Variants in ABCA8 observed in about 807,000 individuals in gnomAD.
ABCA8 encodes the protein ATP binding cassette subfamily A member 8.
In ABCA8, 177 loss-of-function variants were observed where a neutral mutation model predicts 192.3. The observed-to-expected ratio is 0.92, with a 90% CI of 0.81 to 1.04. The LOEUF (loss-of-function observed/expected upper bound fraction) is 1.04. ABCA8 is among the 50% of genes least tolerant of loss of function. The pLI is 0.00. For missense variants in ABCA8, 1,915 were observed against 1,904.8 expected (o/e 1.01, Z -0.10); for synonymous variants, 642 against 690.2 (o/e 0.93, Z 1.09).
chr17:68,875,948 A>G (rs1460505939), intron 35 of ABCA8, among the ~76,000 whole-genome samples: 1 of 152,180 alleles, frequency 6.6e-6, no homozygotes, highest in East Asian at 1.9e-4. Flanking sequence ...CGTTTACAGA[A>G]CACAACATTC....
intron 2 of ABCA8, among the ~76,000 whole-genome samples, chr17:68,944,230 G>A (rs565213013): frequency 6.8e-6 from 1 of 148,142 alleles, no homozygotes; most frequent in East Asian, 2.0e-4. Context: ...TAGATGATGG[G>A]TTGATGGGTG....
chr17:68,946,382 T>C (rs2068408928), intron 2 of ABCA8, among the ~76,000 whole-genome samples: 2 of 152,162 alleles, frequency 1.3e-5, no homozygotes, highest in Non-Finnish European at 2.9e-5. Context: ...TACCAAAATT[T>C]ATTACTTTTT....
chr17:68,875,349 C>T lies in ABCA8; in HGVS notation c.4542G>A (p.Leu1514=). 6.2e-7 allele frequency: 1 copy of T among 1,614,056 alleles called. No individual in the cohort carries two copies. Among genetic ancestry groups the T allele is most frequent in the Non-Finnish European group, 8.5e-7 (1 of 1,180,004 alleles). ...HLKSKFGKDY[L]LEMKVKNLAQ... ...CCAGGTTCTTCACCTTCATCTCCAGCAGGTAATCTTTGCCAAATTTGCTTT... is the reference window on the plus strand; with the variant it reads ...CCAGGTTCTTCACCTTCATCTCCAGTAGGTAATCTTTGCCAAATTTGCTTT... Residue 1514 remains leucine, a synonymous_variant, in exon 37 of 40, where the codon CTG becomes CTA. Transcript: ENST00000586539.
At chr17:68,887,572 A>G (rs2066498758) in intron 24 of ABCA8, 66 bp from the exon 25 acceptor site, 1 of 1,367,052 alleles carries the variant, frequency 7.3e-7, no homozygotes. Context: ...GCAAGGAACT[A>G]TTCAAACAAA....
At chr17:68,915,774 GTA>G (rs2067341802) in intron 17 of ABCA8, among the ~76,000 whole-genome samples, 1 of 152,052 alleles carries the variant, frequency 6.6e-6, no homozygotes, top group African/African-American at 2.4e-5. Context: ...CCACTACTAG[GTA>G]TATACCCCAA....
chr17:68,929,275 C>G (rs370719463), intron 8 of ABCA8, 41 bp from the exon 9 acceptor site: 1 of 1,443,146 alleles, frequency 6.9e-7, no homozygotes, highest in Non-Finnish European at 9.3e-7. Flanking sequence ...GTTTCTCTAA[C>G]ATTATTACTA....
chr17:68,902,098 TA>T (rs2066930934), intron 21 of ABCA8, among the ~76,000 whole-genome samples: 1 of 152,218 alleles, frequency 6.6e-6, no homozygotes, highest in African/African-American at 2.4e-5. Context: ...AATAAAATAT[TA>T]CTCAACAATA....
chr17:68,938,086 A>C (rs2068119788), intron 4 of ABCA8, among the ~76,000 whole-genome samples: 1 of 152,164 alleles, frequency 6.6e-6, no homozygotes, highest in African/African-American at 2.4e-5. Context: ...GACACGTCTC[A>C]GGGCCGTTTA....
At chr17:68,875,038 A>G (rs1416320625) in intron 37 of ABCA8, among the ~76,000 whole-genome samples, 1 of 152,170 alleles carries the variant, frequency 6.6e-6, no homozygotes, top group Non-Finnish European at 1.5e-5. Context: ...TAAGTTTTGG[A>G]TAGGATAACA....
intron 17 of ABCA8, among the ~76,000 whole-genome samples, chr17:68,910,728 C>G (rs1209104350): frequency 6.6e-6 from 1 of 152,160 alleles, no homozygotes; most frequent in East Asian, 1.9e-4. Flanking sequence ...ATTTTGTTTT[C>G]CAACTTGCAT....
In ABCA8 at chr17:68,929,600, C is replaced by T; in HGVS notation, c.900G>A (p.Met300Ile). Residue 300 changes from methionine (M) to isoleucine (I), a missense_variant, in exon 8 of 40, where the codon ATG (methionine) becomes ATA (isoleucine). Coordinates refer to ENST00000586539, the MANE Select transcript of ABCA8 (RefSeq NM_001288985.2). Reference protein sequence around the residue: ...STQFIILSGFMVVFSLFLLYG... With the variant: ...STQFIILSGFIVVFSLFLLYG... ...ACAGGAGAAAGAGGCTGAAGACTAC[C>T]ATGAAGCCAGACAAAATGATAAACT... 1 of 1,613,706 alleles carries T rather than the reference C, an allele frequency of 6.2e-7. No individual in the cohort carries two copies. Among genetic ancestry groups the T allele is most frequent in the Admixed American group, 1.7e-5 (1 of 60,000 alleles).
At chr17:68,925,583 C>A (rs548711150) in intron 10 of ABCA8, among the ~76,000 whole-genome samples, 21 of 152,190 alleles carry the variant, frequency 1.4e-4, no homozygotes, top group Non-Finnish European at 2.5e-4. Context: ...CACTAATATT[C>A]TGCAACTATC....
chr17:68,913,565 C>G (rs960082909), intron 17 of ABCA8, among the ~76,000 whole-genome samples: 3 of 151,760 alleles, frequency 2.0e-5, no homozygotes, highest in Non-Finnish European at 4.4e-5. Flanking sequence ...ACAACTGATA[C>G]TGCAGAAATT....
chr17:68,879,126 TTAGAAG>T (rs1382824927), intron 32 of ABCA8: 2 of 152,224 alleles, frequency 1.3e-5, no homozygotes, highest in South Asian at 2.1e-4. Flanking sequence ...TACAACTAAA[TTAGAAG>T]TACAATTAAA....
chr17:68,917,220 G>A (rs906269548), intron 17 of ABCA8, 141 bp downstream of exon 17: 6 of 515,912 alleles, frequency 1.2e-5, no homozygotes, highest in African/African-American at 9.8e-5. Flanking sequence ...GCAGTGAGCC[G>A]AGATGATCGA....
rs1436696207 is a variant in ABCA8 at position 68,887,492 on chromosome 17, G to GGACC, written c.3155_3158dup (p.Gln1054ValfsTer82). 5 of 1,610,336 alleles carry GGACC rather than the reference G, an allele frequency of 3.1e-6. No homozygotes were observed. Among genetic ancestry groups the GGACC allele is most frequent in the Admixed American group, 3.4e-5 (2 of 59,264 alleles). On this transcript the variant is annotated frameshift_variant, in exon 25 of 40. Coordinates refer to ENST00000586539, the MANE Select transcript of ABCA8 (RefSeq NM_001288985.2). LOFTEE classifies it high-confidence loss of function. ...GGGAGAGTCCGGAAATCCGTAGCTG[G>GGACC]GACCGAGCTCTGTTCTAATTAGGAG...
At chr17:68,887,942 TA>T (rs1490906656) in intron 24 of ABCA8, among the ~76,000 whole-genome samples, 1 of 109,420 alleles carries the variant, frequency 9.1e-6, no homozygotes, top group Non-Finnish European at 1.9e-5. Flanking sequence ...TGGATATATA[TA>T]TTATATATAT....
chr17:68,903,360 G>A lies in ABCA8; in HGVS notation c.2538C>T (p.Cys846=), dbSNP rs75339580. Reference sequence around the variant, plus strand: ...TTAACAAGCGAACCCTTGCAATTGCGCAGATTTGCTGTCGCCAGAGAGCCA... The same window carrying A: ...TTAACAAGCGAACCCTTGCAATTGCACAGATTTGCTGTCGCCAGAGAGCCA... ...GGVALWRQQI[C]AIARVRLLKL... is the part of the protein sequence containing the mutation. The change falls in exon 20 of 40, where the codon TGC becomes TGT. Residue 846 remains cysteine (C), a synonymous_variant. Transcript: ENST00000586539. 95 of 1,614,110 alleles carry A rather than the reference G, an allele frequency of 5.9e-5. 2 individuals carry two copies. In the East Asian group the frequency reaches 1.4e-3, roughly 23 times the overall value.
intron 33 of ABCA8, 116 bp from the exon 34 acceptor site, chr17:68,876,819 G>T (rs980653705): frequency 1.7e-5 from 21 of 1,240,078 alleles, no homozygotes; most frequent in African/African-American, 1.6e-4. Context: ...AATACATGTG[G>T]TCGGGGGGCA....
Sources: allele counts gnomAD v4.1 joint callset (sites outside exome capture counted in the v4.1 genomes callset), GRCh38; gene constraint gnomAD v4.1.1; transcripts MANE v1.5; gene names NCBI Gene and HGNC (gene_info 2026-07-23, HGNC 2026-07-21).